Variants in ZMIZ1 observed in about 807,000 individuals in gnomAD.
The protein encoded by ZMIZ1 is zinc finger MIZ-type containing 1.
ZMIZ1 carries 17 observed loss-of-function variants against 113.9 expected under a neutral mutation model. The ratio of observed to expected loss-of-function variants is 0.15; its 90% CI spans 0.10 to 0.22. ZMIZ1 has a LOEUF of 0.22. Among genes scored for constraint, ZMIZ1 ranks in the 10% least tolerant of loss-of-function variants. The pLI is 1.00. For missense variants in ZMIZ1, 1,059 were observed against 1,477.8 expected (o/e 0.72, Z 4.65); for synonymous variants, 607 against 603.1 (o/e 1.01, Z -0.09).
chr10:79,249,411 C>G (rs537652654), intron 7 of ZMIZ1, among the ~76,000 whole-genome samples: 1 of 152,294 alleles, frequency 6.6e-6, no homozygotes, highest in African/African-American at 2.4e-5. Context: ...GTCAGATGGC[C>G]AGCCCGGAGC....
intron 7 of ZMIZ1, among the ~76,000 whole-genome samples, chr10:79,229,237 G>A (rs1330146802): frequency 6.6e-6 from 1 of 152,248 alleles, no homozygotes; most frequent in South Asian, 2.1e-4. Context: ...CTGCAAGGTG[G>A]TAATTCCCCT....
intron 15 of ZMIZ1, 123 bp downstream of exon 15, chr10:79,298,703 G>C: frequency 1.1e-6 from 1 of 933,554 alleles, no homozygotes; most frequent in Admixed American, 3.0e-5. Flanking sequence ...GTTGAGAGCA[G>C]GTGAGATACC....
chr10:79,286,523 G>T (rs1361821566), intron 8 of ZMIZ1, among the ~76,000 whole-genome samples: 5 of 152,278 alleles, frequency 3.3e-5, no homozygotes, highest in Admixed American at 3.3e-4. Flanking sequence ...CACACGCTGT[G>T]CCTGTCTCTT....
At chr10:79,302,824 G>T (rs899783956) in intron 18 of ZMIZ1, among the ~76,000 whole-genome samples, 1 of 148,812 alleles carries the variant, frequency 6.7e-6, no homozygotes, top group Non-Finnish European at 1.5e-5. Flanking sequence ...CTCCCAAGGA[G>T]TTGGGACTAT....
chr10:79,184,760 C>T (rs1391016747), intron 4 of ZMIZ1, among the ~76,000 whole-genome samples: 1 of 152,200 alleles, frequency 6.6e-6, no homozygotes, highest in African/African-American at 2.4e-5. Flanking sequence ...TCCCAGCCTG[C>T]TCTTCTGATC....
chr10:79,308,133 C>T (rs138819988), intron 23 of ZMIZ1, among the ~76,000 whole-genome samples: 40 of 152,354 alleles, frequency 2.6e-4, no homozygotes, highest in African/African-American at 9.1e-4. Flanking sequence ...GTGTTGTCCA[C>T]AGGCCCTCCC....
At chr10:79,232,982 AG>A (rs1284964941) in intron 7 of ZMIZ1, among the ~76,000 whole-genome samples, 1 of 152,206 alleles carries the variant, frequency 6.6e-6, no homozygotes, top group Non-Finnish European at 1.5e-5. Context: ...GGGAATCTGG[AG>A]GCTCCCTCTT....
chr10:79,314,419 C>T lies in ZMIZ1; in HGVS notation c.*1670C>T. ...GTGGCCCCAGCTGTTGACTTCCAGT[C>T]ACTGTCCCAGACGGCACAAGGTTTT... is the stretch of plus-strand genomic sequence containing the variant. On this transcript the variant is annotated 3_prime_UTR_variant, in exon 25 of 25. Coordinates refer to ENST00000334512, the MANE Select transcript of ZMIZ1 (RefSeq NM_020338.4). The T allele has an allele frequency of 2.7e-6, 1 of 367,242 alleles. No homozygotes were observed. The highest frequency in any genetic ancestry group is 7.3e-5 in the East Asian group (1 of 13,744). 22.7% of individuals were successfully genotyped at this position (367,242 alleles called of 1,614,324 possible).
At chr10:79,108,786 G>T (rs571431039) in intron 1 of ZMIZ1, among the ~76,000 whole-genome samples, 1 of 152,218 alleles carries the variant, frequency 6.6e-6, no homozygotes, top group Admixed American at 6.5e-5. Context: ...TGTTTTGGAC[G>T]GGCCTAACTA....
chr10:79,072,087 GAATA>G lies in ZMIZ1; in HGVS notation c.-337+2822_-337+2825del, dbSNP rs141700248. ...GGGAATAAGAAATTGCTGGACTTAT[GAATA>G]AATAGCCTTGTCTATGCAGAAAAGG... On this transcript the variant is annotated intron_variant, in intron 1 of 24. Transcript: ENST00000334512. Among the ~76,000 whole-genome samples, 297 of 152,256 alleles carry G rather than the reference GAATA, an allele frequency of 2.0e-3. 1 individual carries two copies. Among genetic ancestry groups the G allele is most frequent in the Non-Finnish European group, 2.8e-3 (191 of 68,016 alleles).
rs1286717080 is a variant in ZMIZ1, at chr10:79,110,350, G to GGTCTGGAA, written c.-336-8563_-336-8556dup. 2.0e-5 allele frequency among the ~76,000 whole-genome samples: 3 copies of GGTCTGGAA among 152,174 alleles called. No individual in the cohort carries two copies. In the East Asian group the frequency reaches 5.8e-4, roughly 29 times the overall value. On this transcript the variant is annotated intron_variant, in intron 1 of 24. Transcript: ENST00000334512. ...CTTATTGCGATACCGGTGGCCACTC[G>GGTCTGGAA]GTCTGGAAGGACAGGTGAATGCATG...
At position 79,176,169 on chromosome 10, in the gene ZMIZ1, C is replaced by T. The variant is rs1327165732; in HGVS notation, c.-50+14036C>T. 2.6e-5 allele frequency among the ~76,000 whole-genome samples: 4 copies of T among 152,126 alleles called. No individual in the cohort carries two copies. The East Asian group carries it at 5.8e-4, about 22-fold the overall frequency. The stretch of plus-strand genomic sequence containing the variant: ...GGCCCAACGGGCCAGGATGACATTC[C>T]AGGGCCATTTCAACTGCCTCTCGAA... On this transcript the variant is annotated intron_variant, in intron 4 of 24. Coordinates refer to ENST00000334512, the MANE Select transcript of ZMIZ1 (RefSeq NM_020338.4).
rs200251535 is a variant in ZMIZ1 at position 79,307,423 on chromosome 10, A to T, written c.2687A>T (p.His896Leu). The T allele has an allele frequency of 5.7e-6, 9 of 1,592,068 alleles. No homozygotes were observed. The South Asian group carries it at 9.9e-5, about 18-fold the overall frequency. ...TTCCTAGGCAACAACTACCAAGGCC[A>T]TGGCAACTTTGACTTCCCCCACGGG... ...YSSQGNNYQG[H>L]GNFDFPHGNP... The change falls in exon 23 of 25, where the codon CAT becomes CTT. Residue 896 changes from histidine to leucine, a missense_variant. By Grantham distance (99) the His-to-Leu change is moderately conservative. Transcript: ENST00000334512.
At chr10:79,154,769 G>A (rs1845839705) in intron 3 of ZMIZ1, among the ~76,000 whole-genome samples, 1 of 152,152 alleles carries the variant, frequency 6.6e-6, no homozygotes. Flanking sequence ...CCAGCTGTGG[G>A]GGTCTATGAA....
intron 4 of ZMIZ1, among the ~76,000 whole-genome samples, chr10:79,178,195 G>C (rs1462905436): frequency 6.6e-6 from 1 of 152,204 alleles, no homozygotes; most frequent in Non-Finnish European, 1.5e-5. Flanking sequence ...CTGATTAACT[G>C]TGTGACTCTG....
chr10:79,071,377 C>G (rs1156543529), intron 1 of ZMIZ1, among the ~76,000 whole-genome samples: 1 of 152,196 alleles, frequency 6.6e-6, no homozygotes, highest in Non-Finnish European at 1.5e-5. Flanking sequence ...CCAGAGGTGC[C>G]TGGGTTTGCT....
At chr10:79,273,710 A>G (rs1852084956) in intron 7 of ZMIZ1, among the ~76,000 whole-genome samples, 1 of 152,202 alleles carries the variant, frequency 6.6e-6, no homozygotes, top group African/African-American at 2.4e-5. Context: ...GACACCCCAG[A>G]TTGGAAGGGG....
At chr10:79,202,189 G>GAAAAAAAAAAAAAAAAAAAA (rs58021590) in intron 5 of ZMIZ1, among the ~76,000 whole-genome samples, 1 of 52,634 alleles carries the variant, frequency 1.9e-5, no homozygotes, top group Non-Finnish European at 3.8e-5. Context: ...CCCTGTCTCA[G>GAAAAAAAAAAAAAAAAAAAA]AAAAAAAAAA....
intron 2 of ZMIZ1, among the ~76,000 whole-genome samples, chr10:79,138,303 C>T (rs1845106535): frequency 6.6e-6 from 1 of 152,240 alleles, no homozygotes; most frequent in African/African-American, 2.4e-5. Flanking sequence ...TTCTGCGCCT[C>T]CAGATCTACC....
Sources: gnomAD v4.1 joint callset for allele counts (sites outside exome capture counted in the v4.1 genomes callset) on GRCh38, gnomAD v4.1.1 for gene constraint, MANE v1.5 for transcripts, NCBI Gene and HGNC (gene_info 2026-07-23, HGNC 2026-07-21) for gene names.